The following EYA1 variants were observed in gnomAD, a reference collection of about 807,000 sequenced individuals.
The protein encoded by EYA1 is EYA transcriptional coactivator and phosphatase 1.
Under a neutral mutation model 82.0 loss-of-function variants are expected in EYA1, and 16 were observed. The observed-to-expected ratio is 0.20, with a 90% confidence interval of 0.13 to 0.30. EYA1 has a LOEUF of 0.30. Ranked by LOEUF, EYA1 falls within the 10% of genes least tolerant of loss-of-function variation. The pLI, the probability that EYA1 is intolerant of heterozygous loss-of-function variation, is 1.00. For synonymous variants in EYA1, 261 were observed against 264.4 expected, an observed-to-expected ratio of 0.99 and a Z score of 0.12; for missense variants, 633 against 730.7, an observed-to-expected ratio of 0.87 and a Z score of 1.54.
chr8:71,227,917 A>G (rs1810749697), intron 12 of EYA1, among the ~76,000 whole-genome samples: 1 of 152,198 alleles, frequency 6.6e-6, no homozygotes, highest in South Asian at 2.1e-4. Context: ...CAGTTAACTT[A>G]TACTGCTAGA....
intron 16 of EYA1, among the ~76,000 whole-genome samples, chr8:71,213,873 A>G (rs1040017732): frequency 1.3e-5 from 2 of 152,342 alleles, no homozygotes; most frequent in South Asian, 2.1e-4. Flanking sequence ...TCAGCCATTC[A>G]TTCAACAAAT....
intron 2 of EYA1, among the ~76,000 whole-genome samples, chr8:71,395,717 A>G (rs1417926744): frequency 6.6e-6 from 1 of 152,124 alleles, no homozygotes; most frequent in Admixed American, 6.5e-5. Flanking sequence ...AGGATTTTGC[A>G]TCGATGTTCA....
intron 2 of EYA1, among the ~76,000 whole-genome samples, chr8:71,413,174 G>C (rs1198769544): frequency 6.6e-6 from 1 of 152,302 alleles, no homozygotes; most frequent in South Asian, 2.1e-4. Flanking sequence ...CAAAAGTCCA[G>C]AAAGATTATC....
At position 71,454,697 on chromosome 8, in the gene EYA1, A is replaced by C. The variant is rs190725600; in HGVS notation, c.33+81047T>G. On this transcript the variant is annotated intron_variant, in intron 2 of 18. Transcript: ENST00000643681. ...GGGTACATACTGAAATGAAGGCAGA[A>C]ATACAGATTTTCTTTGAAACCAATG... 3.3e-3 allele frequency among the ~76,000 whole-genome samples: 498 copies of C among 152,308 alleles called. 4 individuals are homozygous for C. The highest frequency in any genetic ancestry group is 0.011 in the African/African-American group (468 of 41,562).
intron 2 of EYA1, among the ~76,000 whole-genome samples, chr8:71,430,418 T>C (rs1805533935): frequency 6.6e-6 from 1 of 152,124 alleles, no homozygotes; most frequent in Non-Finnish European, 1.5e-5. Flanking sequence ...TATACTTGAG[T>C]ACAAAGATTA....
chr8:71,336,415 G>C (rs1416092604), intron 3 of EYA1, among the ~76,000 whole-genome samples: 2 of 152,188 alleles, frequency 1.3e-5, no homozygotes, highest in Non-Finnish European at 2.9e-5. Flanking sequence ...GTTCCACTGC[G>C]TGAGATGTCA....
At chr8:71,352,782 T>A (rs1490948953) in intron 3 of EYA1, among the ~76,000 whole-genome samples, 2 of 152,208 alleles carry the variant, frequency 1.3e-5, no homozygotes, top group African/African-American at 4.8e-5. Flanking sequence ...GATATCAAGC[T>A]ATAAAAAGTA....
At chr8:71,227,601 T>C (rs566661648) in intron 12 of EYA1, among the ~76,000 whole-genome samples, 16 of 152,338 alleles carry the variant, frequency 1.1e-4, no homozygotes, top group African/African-American at 3.8e-4. Flanking sequence ...AGCTTTCATT[T>C]GCACAAAAAT....
At chr8:71,345,765 T>A (rs1391110691) in intron 3 of EYA1, among the ~76,000 whole-genome samples, 1 of 152,166 alleles carries the variant, frequency 6.6e-6, no homozygotes, top group Non-Finnish European at 1.5e-5. Context: ...CTGGGGTCCC[T>A]TCTTAGTGCC....
intron 9 of EYA1, among the ~76,000 whole-genome samples, chr8:71,287,206 C>T (rs192571844): frequency 6.6e-6 from 1 of 152,142 alleles, no homozygotes; most frequent in Admixed American, 6.5e-5. Flanking sequence ...ATTACCTTAG[C>T]AGAATAAAAG....
intron 11 of EYA1, among the ~76,000 whole-genome samples, chr8:71,250,573 G>C (rs1048963655): frequency 2.0e-5 from 3 of 152,118 alleles, no homozygotes; most frequent in African/African-American, 4.8e-5. Context: ...TTTAGTTTTA[G>C]TATGAAACTG....
chr8:71,215,821 C>A, intron 14 of EYA1, 93 bp from the exon 15 acceptor site: 1 of 779,620 alleles, frequency 1.3e-6, no homozygotes, highest in East Asian at 2.6e-5. Context: ...ACTATGAATA[C>A]CAGCCTCCAG....
rs1038023526 is a variant in EYA1, at chr8:71,466,458, C to G, written c.33+69286G>C. Reference sequence around the variant, plus strand: ...AACATGAGTGATATGAAGTATTGTGCATGCATATAGTATGAGTTGACTCAA... The same window carrying G: ...AACATGAGTGATATGAAGTATTGTGGATGCATATAGTATGAGTTGACTCAA... On this transcript the variant is annotated intron_variant, in intron 2 of 18. Coordinates refer to the EYA1 transcript ENST00000643681. 5.3e-5 allele frequency among the ~76,000 whole-genome samples: 8 copies of G among 152,064 alleles called. No homozygotes were observed. The East Asian group carries it at 1.5e-3, about 29-fold the overall frequency.
At chr8:71,445,208 A>T (rs747904851) in intron 2 of EYA1, among the ~76,000 whole-genome samples, 2 of 152,160 alleles carry the variant, frequency 1.3e-5, no homozygotes, top group African/African-American at 2.4e-5. Context: ...ATCCATCCTC[A>T]TTCTTTTTAA....
chr8:71,217,498 G>A (rs1809358150), intron 12 of EYA1, among the ~76,000 whole-genome samples: 1 of 152,178 alleles, frequency 6.6e-6, no homozygotes. Context: ...AGGCCAGTGT[G>A]TTGAGGAGCC....
chr8:71,222,972 A>C (rs1810119081), intron 12 of EYA1, among the ~76,000 whole-genome samples: 1 of 152,108 alleles, frequency 6.6e-6, no homozygotes, highest in African/African-American at 2.4e-5. Context: ...TCCTGCCTGG[A>C]GCATGGATGT....
At chr8:71,379,323 G>A (rs1285736850) in intron 2 of EYA1, among the ~76,000 whole-genome samples, 1 of 152,014 alleles carries the variant, frequency 6.6e-6, no homozygotes, top group Non-Finnish European at 1.5e-5. Context: ...GGGCCACAGA[G>A]AACACCCAGC....
intron 2 of EYA1, among the ~76,000 whole-genome samples, chr8:71,429,821 T>C (rs887499181): frequency 6.6e-6 from 1 of 152,136 alleles, no homozygotes; most frequent in Non-Finnish European, 1.5e-5. Context: ...CCTGTTGATA[T>C]AAAAGATGAA....
At chr8:71,520,038 T>A (rs942137599) in intron 2 of EYA1, among the ~76,000 whole-genome samples, 5 of 152,174 alleles carry the variant, frequency 3.3e-5, no homozygotes, top group Non-Finnish European at 5.9e-5. Context: ...AAATTTTTAA[T>A]AAAGGGCATG....
Sources: gnomAD v4.1 joint callset for allele counts (sites outside exome capture counted in the v4.1 genomes callset) on GRCh38, gnomAD v4.1.1 for gene constraint, MANE v1.5 for transcripts, NCBI Gene and HGNC (gene_info 2026-07-23, HGNC 2026-07-21) for gene names.